STK3: variants seen among roughly 807,000 people sequenced by gnomAD.
STK3 encodes serine/threonine kinase 3.
In STK3, 41 loss-of-function variants were observed where a neutral mutation model predicts 58.0. The observed-to-expected ratio is 0.71, with a 90% CI of 0.55 to 0.92. STK3 has a LOEUF of 0.92. STK3 is among the 40% of genes least tolerant of loss of function. The probability of loss-of-function intolerance (pLI) is 0.00; values close to 1 mark genes in which losing one functional copy is unlikely to be tolerated. For synonymous variants in STK3, 170 were observed against 191.0 expected (o/e 0.89, Z 0.91); for missense variants, 479 against 602.7 (o/e 0.79, Z 2.15).
chr8:98,575,835 T>A (rs1813353679), intron 8 of STK3, among the ~76,000 whole-genome samples: 1 of 152,182 alleles, frequency 6.6e-6, no homozygotes, highest in Non-Finnish European at 1.5e-5. Context: ...TCTCTCATTC[T>A]ACAGGCTGTC....
At chr8:98,921,038 T>C (rs1246603122) in intron 1 of STK3, among the ~76,000 whole-genome samples, 3 of 152,204 alleles carry the variant, frequency 2.0e-5, no homozygotes, top group Admixed American at 2.0e-4. Context: ...GTTGATAAGA[T>C]CTTTTCTGGG....
At chr8:98,429,403 C>T (rs760472450) in intron 3 of STK3, 3 of 1,607,352 alleles carry the variant, frequency 1.9e-6, no homozygotes, top group Non-Finnish European at 2.6e-6. Context: ...TTAAATGATT[C>T]CCTACGTTAG....
At chr8:98,821,417 G>A (rs1236604828) in intron 1 of STK3, among the ~76,000 whole-genome samples, 1 of 151,872 alleles carries the variant, frequency 6.6e-6, no homozygotes, top group Admixed American at 6.6e-5. Flanking sequence ...ATGATTTAAT[G>A]AATTTCCCTT....
chr8:98,890,427 T>C (rs980443506), intron 1 of STK3, among the ~76,000 whole-genome samples: 4 of 152,208 alleles, frequency 2.6e-5, no homozygotes, highest in East Asian at 1.9e-4. Context: ...GGAGGACACA[T>C]TAATGAATGT....
At chr8:98,393,672 A>G (rs1367915000) in intron 3 of STK3, 3 of 151,886 alleles carry the variant, frequency 2.0e-5, no homozygotes, top group African/African-American at 7.2e-5. Flanking sequence ...CTGGCTCCCT[A>G]GTCTACTGGA....
At chr8:98,698,112 A>G (rs552852199) in intron 6 of STK3, among the ~76,000 whole-genome samples, 2 of 152,216 alleles carry the variant, frequency 1.3e-5, no homozygotes, top group East Asian at 3.9e-4. Flanking sequence ...CTTCACCATT[A>G]TGTAATGGCC....
At chr8:98,683,470 T>A (rs1451715240) in intron 6 of STK3, among the ~76,000 whole-genome samples, 1 of 152,074 alleles carries the variant, frequency 6.6e-6, no homozygotes, top group African/African-American at 2.4e-5. Context: ...CAAAAATATT[T>A]ATTGGATATT....
chr8:98,921,396 T>C (rs1262249674), intron 1 of STK3: 1 of 152,528 alleles, frequency 6.6e-6, no homozygotes, highest in Non-Finnish European at 1.5e-5. Context: ...CTGTCGGAGA[T>C]GGTCATCCAC....
At chr8:98,812,074 T>C (rs962522474) in intron 1 of STK3, among the ~76,000 whole-genome samples, 1 of 152,206 alleles carries the variant, frequency 6.6e-6, no homozygotes, top group Non-Finnish European at 1.5e-5. Context: ...CCTACCAAAG[T>C]GGTGGGATTA....
At chr8:98,868,857 G>T (rs1837243910) in intron 3 of STK3, among the ~76,000 whole-genome samples, 1 of 151,806 alleles carries the variant, frequency 6.6e-6, no homozygotes, top group Non-Finnish European at 1.5e-5. Context: ...CATGCCTGTG[G>T]TCCCAGCTAC....
At chr8:98,851,460 T>G (rs1375448451) in intron 3 of STK3, among the ~76,000 whole-genome samples, 1 of 152,212 alleles carries the variant, frequency 6.6e-6, no homozygotes, top group African/African-American at 2.4e-5. Context: ...TTGCCTTCTG[T>G]GTTACTACAG....
chr8:98,609,453 C>A (rs1265188657), intron 6 of STK3, among the ~76,000 whole-genome samples: 1 of 152,020 alleles, frequency 6.6e-6, no homozygotes, highest in Non-Finnish European at 1.5e-5. Context: ...CTTTACACTG[C>A]ATTAGCTATA....
At chr8:98,927,639 T>A (rs372102287) in intron 1 of STK3, among the ~76,000 whole-genome samples, 23 of 152,356 alleles carry the variant, frequency 1.5e-4, no homozygotes, top group African/African-American at 5.1e-4. Context: ...ATAGAGTAAC[T>A]TGTCTAAGAT....
At chr8:98,578,428 G>A (rs1462774254) in intron 8 of STK3, among the ~76,000 whole-genome samples, 3 of 152,112 alleles carry the variant, frequency 2.0e-5, no homozygotes, top group Non-Finnish European at 2.9e-5. Flanking sequence ...CCATGACAAC[G>A]GCCAAATAAA....
intron 3 of STK3, among the ~76,000 whole-genome samples, chr8:98,850,762 A>G (rs1836434680): frequency 6.6e-6 from 1 of 152,202 alleles, no homozygotes; most frequent in Non-Finnish European, 1.5e-5. Flanking sequence ...GGGCCGGGTC[A>G]TCAACCACAC....
intron 10 of STK3, among the ~76,000 whole-genome samples, chr8:98,481,230 G>A (rs1468572270): frequency 6.6e-6 from 1 of 151,384 alleles, no homozygotes; most frequent in Non-Finnish European, 1.5e-5. Flanking sequence ...ATATTTTCAA[G>A]GAAAAAATGT....
At chr8:98,550,083 C>A (rs1811041161) in intron 8 of STK3, among the ~76,000 whole-genome samples, 1 of 150,678 alleles carries the variant, frequency 6.6e-6, no homozygotes, top group Non-Finnish European at 1.5e-5. Flanking sequence ...ATATTTATTC[C>A]ATTTTTAGTA....
intron 10 of STK3, among the ~76,000 whole-genome samples, chr8:98,499,638 A>C (rs1367557886): frequency 6.6e-6 from 1 of 152,224 alleles, no homozygotes; most frequent in Non-Finnish European, 1.5e-5. Flanking sequence ...CATCATAAGC[A>C]GAATGTTGGT....
chr8:98,641,704 T>C (rs1820031940), intron 6 of STK3, among the ~76,000 whole-genome samples: 1 of 152,158 alleles, frequency 6.6e-6, no homozygotes, highest in African/African-American at 2.4e-5. Context: ...TATCATATAA[T>C]GCTAAAATAT....
Sources: gnomAD v4.1 joint callset for allele counts (sites outside exome capture counted in the v4.1 genomes callset) on GRCh38, gnomAD v4.1.1 for gene constraint, MANE v1.5 for transcripts, NCBI Gene and HGNC (gene_info 2026-07-23, HGNC 2026-07-21) for gene names.